Variants in GRIP1 observed in about 807,000 individuals in gnomAD.
GRIP1 encodes glutamate receptor-interacting protein 1.
In GRIP1, 45 loss-of-function variants were observed where a neutral mutation model predicts 129.9. That is an observed-to-expected ratio of 0.35 (90% CI 0.27 to 0.44). The LOEUF (loss-of-function observed/expected upper bound fraction) is 0.44. GRIP1 is among the 20% of genes least tolerant of loss of function. The pLI is 1.00. For synonymous variants in GRIP1, 530 were observed against 520.8 expected (o/e 1.02, Z -0.24); for missense variants, 1,196 against 1,396.8 (o/e 0.86, Z 2.29).
At chr12:66,479,547 G>A (rs751608266) in intron 7 of GRIP1, among the ~76,000 whole-genome samples, 13 of 152,076 alleles carry the variant, frequency 8.5e-5, no homozygotes, top group Non-Finnish European at 1.6e-4. Flanking sequence ...AGGAAAAGAG[G>A]GACTCCTCCC....
intron 7 of GRIP1, among the ~76,000 whole-genome samples, chr12:66,509,850 T>C (rs1592454697): frequency 6.6e-6 from 1 of 152,142 alleles, no homozygotes; most frequent in Admixed American, 6.5e-5. Flanking sequence ...ATGCTGGGCT[T>C]AATACTTAGG....
At chr12:66,869,557 T>C (rs1009320378) in intron 1 of GRIP1, among the ~76,000 whole-genome samples, 1 of 152,112 alleles carries the variant, frequency 6.6e-6, no homozygotes, top group South Asian at 2.1e-4. Flanking sequence ...GAGGAAGCCA[T>C]AAAGTATTCC....
intron 14 of GRIP1, among the ~76,000 whole-genome samples, chr12:66,427,325 A>G (rs1387005343): frequency 1.3e-5 from 2 of 151,912 alleles, no homozygotes; most frequent in African/African-American, 4.8e-5. Context: ...GGGTGGGAGA[A>G]GAAGTAAAGG....
chr12:66,888,270 C>G (rs2040599654), intron 1 of GRIP1, among the ~76,000 whole-genome samples: 2 of 152,014 alleles, frequency 1.3e-5, no homozygotes, highest in South Asian at 4.2e-4. Context: ...TATGCTGCCC[C>G]AGCTGGTCTC....
chr12:66,774,344 A>G lies in GRIP1; in HGVS notation c.-420+29709T>C, dbSNP rs540314321. On this transcript the variant is annotated intron_variant, in intron 1 of 4. Transcript: ENST00000538373. ...AAAGCTCTTAAAGTTGCCATGCCCA[A>G]TAGTTCTATCTACAGTTTATATAGA... 8.5e-5 allele frequency among the ~76,000 whole-genome samples: 13 copies of G among 152,322 alleles called. No homozygotes were observed. The South Asian group carries it at 2.7e-3, about 32-fold the overall frequency.
chr12:67,065,801 AC>A (rs2043614608), intron 1 of GRIP1, among the ~76,000 whole-genome samples: 1 of 152,236 alleles, frequency 6.6e-6, no homozygotes, highest in African/African-American at 2.4e-5. Flanking sequence ...AATTTTCTCA[AC>A]AACTATTTTC....
chr12:67,016,092 G>C (rs1412375042), intron 1 of GRIP1, among the ~76,000 whole-genome samples: 1 of 152,184 alleles, frequency 6.6e-6, no homozygotes, highest in East Asian at 1.9e-4. Context: ...TACTGCAGTA[G>C]TTTTAGCTGT....
chr12:66,903,195 T>C (rs1346870901), intron 1 of GRIP1, among the ~76,000 whole-genome samples: 1 of 152,148 alleles, frequency 6.6e-6, no homozygotes, highest in Non-Finnish European at 1.5e-5. Context: ...TAAAAAAATT[T>C]AGAGCACTAC....
rs374123268 is a variant in GRIP1 at position 66,584,142 on chromosome 12, G to C, written c.136+12705C>G. Among the ~76,000 whole-genome samples the C allele has an allele frequency of 5.3e-5, 8 of 150,074 alleles. No homozygotes were observed. In the South Asian group the frequency reaches 1.7e-3, roughly 32 times the overall value. Reference sequence around the variant, plus strand: ...ATGAAACTGGAAATCATCATTCTCAGTAAACTATCGCAAGAACAAAAAACC... The same window carrying C: ...ATGAAACTGGAAATCATCATTCTCACTAAACTATCGCAAGAACAAAAAACC... On this transcript the variant is annotated intron_variant, in intron 2 of 24. Transcript: ENST00000359742.
At chr12:66,632,223 A>G (rs1378565623) in intron 1 of GRIP1, among the ~76,000 whole-genome samples, 1 of 152,228 alleles carries the variant, frequency 6.6e-6, no homozygotes, top group Non-Finnish European at 1.5e-5. Context: ...TTGTTGTCAC[A>G]GGTATAGAAC....
chr12:67,036,208 T>C (rs1204406143), intron 1 of GRIP1, among the ~76,000 whole-genome samples: 1 of 152,200 alleles, frequency 6.6e-6, no homozygotes, highest in African/African-American at 2.4e-5. Flanking sequence ...GTAGCCGAGT[T>C]TGCATTTCAC....
intron 1 of GRIP1, among the ~76,000 whole-genome samples, chr12:67,061,588 T>C (rs1436617209): frequency 2.6e-5 from 4 of 152,318 alleles, no homozygotes. Flanking sequence ...CCAGGGAAGA[T>C]AAATCTAAAA....
chr12:66,716,451 A>G (rs1348420413), intron 1 of GRIP1, among the ~76,000 whole-genome samples: 1 of 151,754 alleles, frequency 6.6e-6, no homozygotes, highest in Non-Finnish European at 1.5e-5. Context: ...CCAAGGGTCC[A>G]TGATAATTAG....
At chr12:66,768,466 A>G (rs913045596) in intron 1 of GRIP1, among the ~76,000 whole-genome samples, 1 of 152,200 alleles carries the variant, frequency 6.6e-6, no homozygotes, top group African/African-American at 2.4e-5. Flanking sequence ...AGAATTGCCA[A>G]TACAGATGAC....
chr12:66,856,403 A>G (rs1246053172), intron 1 of GRIP1, among the ~76,000 whole-genome samples: 1 of 152,224 alleles, frequency 6.6e-6, no homozygotes, highest in Non-Finnish European at 1.5e-5. Context: ...GCTTCTGCAC[A>G]GCAAAAGAAA....
intron 1 of GRIP1, among the ~76,000 whole-genome samples, chr12:66,841,207 G>A (rs947804427): frequency 1.1e-4 from 17 of 152,228 alleles, no homozygotes; most frequent in African/African-American, 4.1e-4. Context: ...TGAGTGACTG[G>A]CATAATGTAG....
chr12:66,830,831 A>AT (rs113993317), intron 1 of GRIP1, among the ~76,000 whole-genome samples: 44,180 of 138,908 alleles, frequency 0.32, 7,127 homozygotes, highest in Non-Finnish European at 0.36. Flanking sequence ...TGGTATCTGA[A>AT]TTTTTTTTTT....
intron 13 of GRIP1, among the ~76,000 whole-genome samples, chr12:66,438,964 G>A (rs2058394429): frequency 6.6e-6 from 1 of 152,196 alleles, no homozygotes; most frequent in Non-Finnish European, 1.5e-5. Context: ...GTCAGAGTGT[G>A]AGAATGGCTA....
chr12:66,926,227 C>G (rs916415296), intron 1 of GRIP1, among the ~76,000 whole-genome samples: 1 of 151,710 alleles, frequency 6.6e-6, no homozygotes, highest in East Asian at 1.9e-4. Context: ...ACCAGTTCCT[C>G]TGACAATAAC....
Sources: gnomAD v4.1 joint callset for allele counts (sites outside exome capture counted in the v4.1 genomes callset) on GRCh38, gnomAD v4.1.1 for gene constraint, MANE v1.5 for transcripts, NCBI Gene and HGNC (gene_info 2026-07-23, HGNC 2026-07-21) for gene names.